Variants in ATXN2 observed in about 807,000 individuals in gnomAD.
The protein encoded by ATXN2 is ataxin 2, also known as ataxin-2.
A neutral mutation model predicts 138.6 loss-of-function variants in ATXN2; 37 were observed. The observed-to-expected ratio is 0.27, with a 90% confidence interval of 0.21 to 0.35. ATXN2 has a LOEUF of 0.35. ATXN2 is among the 10% of genes least tolerant of loss of function. The pLI, the probability that ATXN2 is intolerant of heterozygous loss-of-function variation, is 1.00. For missense variants in ATXN2, 1,216 were observed against 1,480.3 expected, an observed-to-expected ratio of 0.82 and a Z score of 2.93; for synonymous variants, 549 against 543.7, an observed-to-expected ratio of 1.01 and a Z score of -0.13.
At chr12:111,582,215 G>T (rs527660429) in intron 1 of ATXN2, among the ~76,000 whole-genome samples, 2 of 152,032 alleles carry the variant, frequency 1.3e-5, no homozygotes. Flanking sequence ...AGGCGAAGGC[G>T]GGCAGATCAC....
intron 18 of ATXN2, 174 bp from the exon 19 acceptor site, chr12:111,470,916 C>T: frequency 1.5e-6 from 1 of 649,936 alleles, no homozygotes; most frequent in Non-Finnish European, 2.6e-6. Context: ...GCATGCTAGT[C>T]CTCAGCCTCA....
intron 2 of ATXN2, among the ~76,000 whole-genome samples, chr12:111,555,544 A>G (rs1882342332): frequency 6.6e-6 from 1 of 152,138 alleles, no homozygotes; most frequent in Non-Finnish European, 1.5e-5. Flanking sequence ...TATGTGAAGA[A>G]GGATGTGTTT....
At chr12:111,476,732 AACTTAAG>A (rs1313690408) in intron 18 of ATXN2, among the ~76,000 whole-genome samples, 49 of 152,362 alleles carry the variant, frequency 3.2e-4, no homozygotes, top group African/African-American at 1.2e-3. Context: ...ACACTGGTGA[AACTTAAG>A]ACTTAAATAA....
Position 111,598,813 on chromosome 12 carries a change from G to T in ATXN2, c.222C>A (p.Thr74=). Residue 74 remains threonine, a synonymous_variant, in exon 1 of 25, where the codon ACC becomes ACA. Coordinates refer to ENST00000673436, the MANE Select transcript of ATXN2 (RefSeq NM_001372574.1). This position sits in a 1 kb window ranked among gnomAD's most constrained non-coding sequence, Gnocchi z 4.5. ...ATAPSSVVAA[T]SGGGRPGLGR... The stretch of plus-strand genomic sequence containing the variant: ...CCAGGCCGGGCCTCCCGCCGCCGGA[G>T]GTCGCCGCGACCACCGAGGAGGGAG... The T allele has an allele frequency of 1.4e-6, 2 of 1,412,352 alleles. No homozygotes were observed. Among genetic ancestry groups the T allele is most frequent in the Non-Finnish European group, 1.8e-6 (2 of 1,091,510 alleles). 87.5% of individuals were successfully genotyped at this position (1,412,352 alleles called of 1,614,324 possible). A position where few individuals can be genotyped will look rare whatever the true frequency, so the allele number is the denominator to read the frequency against.
At chr12:111,541,212 C>G (rs1469483739) in intron 5 of ATXN2, among the ~76,000 whole-genome samples, 2 of 149,732 alleles carry the variant, frequency 1.3e-5, no homozygotes. Context: ...TAATTTGTCC[C>G]CAATGTCCCA....
intron 9 of ATXN2, among the ~76,000 whole-genome samples, chr12:111,517,243 A>T (rs1029218957): frequency 3.3e-5 from 5 of 152,146 alleles, no homozygotes; most frequent in Admixed American, 2.6e-4. Flanking sequence ...ACACTTAAGT[A>T]TCATATATTT....
intron 21 of ATXN2, among the ~76,000 whole-genome samples, chr12:111,460,366 G>C (rs1041767697): frequency 6.6e-6 from 1 of 152,132 alleles, no homozygotes. Context: ...GAGCCACCGC[G>C]CCCAGCCACA....
chr12:111,595,936 G>A (rs979810497), intron 1 of ATXN2, among the ~76,000 whole-genome samples: 10 of 151,650 alleles, frequency 6.6e-5, no homozygotes, highest in Non-Finnish European at 1.2e-4. Context: ...AGTAGCTCAC[G>A]CCTGTAATCC....
At chr12:111,500,179 T>C (rs1878669219) in intron 14 of ATXN2, among the ~76,000 whole-genome samples, 1 of 152,212 alleles carries the variant, frequency 6.6e-6, no homozygotes, top group Non-Finnish European at 1.5e-5. Flanking sequence ...TACGGCACTA[T>C]ATACACAACA....
chr12:111,453,671 C>T lies in ATXN2; in HGVS notation c.3439+6G>A, dbSNP rs1874849329. On this transcript the variant is annotated splice_donor_region_variant and intron_variant, in intron 24 of 24. Coordinates refer to ENST00000673436, the MANE Select transcript of ATXN2 (RefSeq NM_001372574.1). This position sits in a 1 kb window ranked among gnomAD's most constrained non-coding sequence, Gnocchi z 5.4. ...CCCCGGCGGCCCCTGCACACACACGCCTCACCTGAAGGGTGCGTCATATAG... is the reference window on the plus strand; with the variant it reads ...CCCCGGCGGCCCCTGCACACACACGTCTCACCTGAAGGGTGCGTCATATAG... 3 of 1,583,692 alleles carry T rather than the reference C, an allele frequency of 1.9e-6. No individual in the cohort carries two copies. The highest frequency in any genetic ancestry group is 1.8e-5 in the Admixed American group (1 of 55,946).
intron 1 of ATXN2, among the ~76,000 whole-genome samples, chr12:111,573,863 TTTC>T (rs1462327963): frequency 6.7e-6 from 1 of 149,754 alleles, no homozygotes; most frequent in East Asian, 1.9e-4. Flanking sequence ...AAATGTGTTT[TTTC>T]TTTCTTTTTT....
At position 111,464,781 on chromosome 12, in the gene ATXN2, AG is replaced by A. The variant is rs1288197212; in HGVS notation, c.2843-67del. On this transcript the variant is annotated intron_variant, in intron 20 of 24. Coordinates refer to ENST00000673436, the MANE Select transcript of ATXN2 (RefSeq NM_001372574.1). ...TGTGCATTTTCCAAATTTTCTGGAA[AG>A]GTTGACATATTAGTAATTTCTTTTT... is the stretch of plus-strand genomic sequence containing the variant. 10 of 1,251,088 alleles carry A rather than the reference AG, an allele frequency of 8.0e-6. No individual in the cohort carries two copies. In the African/African-American group the frequency reaches 1.5e-4, roughly 19 times the overall value. The allele number at this position is 1,251,088 out of a possible 1,614,324, so 77.5% of individuals were successfully genotyped here.
chr12:111,547,477 G>A (rs1335352079), intron 5 of ATXN2, among the ~76,000 whole-genome samples: 1 of 151,882 alleles, frequency 6.6e-6, no homozygotes, highest in African/African-American at 2.4e-5. Flanking sequence ...TGTGATCCCA[G>A]CACTTTGGGA....
intron 20 of ATXN2, among the ~76,000 whole-genome samples, chr12:111,466,558 A>G (rs1350002750): frequency 1.3e-5 from 2 of 152,248 alleles, no homozygotes; most frequent in African/African-American, 4.8e-5. Flanking sequence ...TAAGATAGCT[A>G]GAAAGAGGTC....
intron 21 of ATXN2, among the ~76,000 whole-genome samples, chr12:111,458,618 C>A (rs571509086): frequency 6.6e-6 from 1 of 152,304 alleles, no homozygotes; most frequent in African/African-American, 2.4e-5. Flanking sequence ...AGAAACAAAT[C>A]CTAAAATCCC....
At position 111,590,477 on chromosome 12, in the gene ATXN2, G is replaced by A. The variant is rs544044503; in HGVS notation, c.251+8307C>T. Among the ~76,000 whole-genome samples, 3 of 152,036 alleles carry A rather than the reference G, an allele frequency of 2.0e-5. No homozygotes were observed. The East Asian group carries it at 5.8e-4, about 30-fold the overall frequency. On this transcript the variant is annotated intron_variant, in intron 1 of 24. Transcript: ENST00000673436. ...GCTGTTGGGCGGATCACAAGGTCAG[G>A]AGATCGACACCATCCTGGCCAACAT...
At chr12:111,559,027 A>G (rs1215598938) in intron 1 of ATXN2, among the ~76,000 whole-genome samples, 1 of 151,908 alleles carries the variant, frequency 6.6e-6, no homozygotes, top group Non-Finnish European at 1.5e-5. Flanking sequence ...CAGATCTACC[A>G]GTTTACGAGA....
chr12:111,475,881 T>C (rs1211109196), intron 18 of ATXN2, among the ~76,000 whole-genome samples: 1 of 152,184 alleles, frequency 6.6e-6, no homozygotes, highest in African/African-American at 2.4e-5. Context: ...TGTTATATGA[T>C]AAAATGGCAT....
rs569064135 is a variant in ATXN2, at chr12:111,578,720, C to A, written c.251+20064G>T. Among the ~76,000 whole-genome samples, 421 of 152,242 alleles carry A rather than the reference C, an allele frequency of 2.8e-3. 4 individuals are homozygous for A. The highest frequency in any genetic ancestry group is 9.6e-3 in the African/African-American group (398 of 41,534). The stretch of plus-strand genomic sequence containing the variant: ...AAACACATGAAAAAATGCTCAATAT[C>A]ACTGGGCATTAGGGAAATGCAAATT... On this transcript the variant is annotated intron_variant, in intron 1 of 24. Coordinates refer to ENST00000673436, the MANE Select transcript of ATXN2 (RefSeq NM_001372574.1).
Sources: allele counts gnomAD v4.1 joint callset (sites outside exome capture counted in the v4.1 genomes callset), GRCh38; gene constraint gnomAD v4.1.1; non-coding constraint Gnocchi (gnomAD v3.1); transcripts MANE v1.5; gene names NCBI Gene and HGNC (gene_info 2026-07-23, HGNC 2026-07-21).